The following FRAS1 variants were observed in gnomAD, a reference collection of about 807,000 sequenced individuals.
FRAS1 encodes the protein extracellular matrix organizing protein FRAS1.
A neutral mutation model predicts 435.2 loss-of-function variants in FRAS1; 290 were observed. The ratio of observed to expected loss-of-function variants is 0.67; its 90% confidence interval spans 0.61 to 0.73. The LOEUF (loss-of-function observed/expected upper bound fraction) is 0.73. Ranked by LOEUF, FRAS1 falls within the 30% of genes least tolerant of loss-of-function variation. The pLI, the probability that FRAS1 is intolerant of heterozygous loss-of-function variation, is 0.00. For missense variants in FRAS1, 4,860 were observed against 5,001.5 expected, an observed-to-expected ratio of 0.97 and a Z score of 0.85; for synonymous variants, 1,800 against 1,851.0, an observed-to-expected ratio of 0.97 and a Z score of 0.71.
In FRAS1 at chr4:78,369,877, G is replaced by A. The variant is rs755877479; in HGVS notation, c.2762G>A (p.Ser921Asn). The A allele has an allele frequency of 1.2e-6, 2 of 1,613,584 alleles. No homozygotes were observed. The highest frequency in any genetic ancestry group is 3.3e-5 in the Admixed American group (2 of 59,956). ...THCGSCDSQA[S>N]CTSCRDPNKV... is the part of the protein sequence containing the mutation. ...TGTGGAAGCTGTGATTCACAGGCCAGCTGTACCTCCTGCCGAGATCCAAAC... is the reference window on the plus strand; with the variant it reads ...TGTGGAAGCTGTGATTCACAGGCCAACTGTACCTCCTGCCGAGATCCAAAC... The change falls in exon 23 of 74, where the codon AGC becomes AAC. Residue 921 changes from serine to asparagine, a missense_variant. Transcript: ENST00000512123.
intron 2 of FRAS1, among the ~76,000 whole-genome samples, chr4:78,232,697 G>A (rs1435197817): frequency 6.6e-6 from 1 of 152,168 alleles, no homozygotes; most frequent in African/African-American, 2.4e-5. Context: ...ATTTTGTAGT[G>A]ACATCATTTA....
rs771765912 is a variant in FRAS1, at chr4:78,363,571, C to T, written c.2481C>T (p.Cys827=). ...ATCTCCACAACACTGGGAGCATCTG[C>T]CTCAGGTGCCAGAATGCCCACTACC... ...AADLHNTGSI[C]LRCQNAHYLL... is the part of the protein sequence containing the mutation. Residue 827 remains cysteine (C), a synonymous_variant, in exon 21 of 74, where the codon TGC becomes TGT. Transcript: ENST00000512123. 1.2e-6 allele frequency: 2 copies of T among 1,612,940 alleles called. No homozygotes were observed. Among genetic ancestry groups the T allele is most frequent in the Admixed American group, 1.7e-5 (1 of 59,962 alleles).
chr4:78,432,310 A>G (rs1405606154), intron 37 of FRAS1, 47 bp from the exon 38 acceptor site: 2 of 1,532,080 alleles, frequency 1.3e-6, no homozygotes, highest in South Asian at 1.3e-5. Context: ...AATGAAAAGC[A>G]TTATTCCCAG....
At chr4:78,260,878 T>C (rs1726060011) in intron 6 of FRAS1, among the ~76,000 whole-genome samples, 1 of 152,202 alleles carries the variant, frequency 6.6e-6, no homozygotes, top group Non-Finnish European at 1.5e-5. Flanking sequence ...TTTCAGAATA[T>C]TTCTAGGTGA....
chr4:78,335,773 T>C (rs753456446), intron 19 of FRAS1, among the ~76,000 whole-genome samples: 5 of 152,190 alleles, frequency 3.3e-5, no homozygotes, highest in Non-Finnish European at 4.4e-5. Context: ...GTCCAGTATG[T>C]TTTTTAAGAT....
intron 34 of FRAS1, among the ~76,000 whole-genome samples, chr4:78,423,400 C>A (rs186222325): frequency 6.6e-6 from 1 of 151,890 alleles, no homozygotes; most frequent in Non-Finnish European, 1.5e-5. Flanking sequence ...CTCCTGACCT[C>A]GTGATCCACC....
intron 2 of FRAS1, among the ~76,000 whole-genome samples, chr4:78,092,437 T>A (rs1427633686): frequency 6.6e-6 from 1 of 152,144 alleles, no homozygotes; most frequent in African/African-American, 2.4e-5. Context: ...AGTCACATCT[T>A]ATGTGGATGG....
Position 78,450,159 on chromosome 4 carries a change from G to C in FRAS1, c.6283G>C (p.Ala2095Pro). 4 of 1,612,822 alleles carry C rather than the reference G, an allele frequency of 2.5e-6. No homozygotes were observed. The highest frequency in any genetic ancestry group is 3.4e-6 in the Non-Finnish European group (4 of 1,178,964). Residue 2095 changes from alanine (A) to proline (P), a missense_variant, in exon 45 of 74, where the codon GCA becomes CCA. Physicochemically the swap from Ala to Pro is conservative, Grantham distance 27. Transcript: ENST00000512123. ...TTCCGTTCTCTTCCAAGGGTCTGTAGCACGCATCACAGAACAGCACTTGAA... is the reference window on the plus strand; with the variant it reads ...TTCCGTTCTCTTCCAAGGGTCTGTACCACGCATCACAGAACAGCACTTGAA... Reference protein sequence around the residue: ...QGLQLSAGSVARITEQHLKVT... With the variant: ...QGLQLSAGSVPRITEQHLKVT...
rs1054790303 is a variant in FRAS1 at position 78,460,061 on chromosome 4, A to T, written c.6764-3960A>T. On this transcript the variant is annotated intron_variant, in intron 47 of 73. Transcript: ENST00000512123. ...AACCCATCACAAGAGGCTTTTCAAA[A>T]ATCCTGAAGCAAGAAGGCTGGGAGT... is the stretch of plus-strand genomic sequence containing the variant. Among the ~76,000 whole-genome samples the T allele has an allele frequency of 3.0e-4, 46 of 152,140 alleles. 1 individual carries two copies. The highest frequency in any genetic ancestry group is 2.4e-3 in the Admixed American group (37 of 15,268).
intron 9 of FRAS1, among the ~76,000 whole-genome samples, chr4:78,272,628 G>A (rs1726767670): frequency 6.6e-6 from 1 of 152,078 alleles, no homozygotes; most frequent in Non-Finnish European, 1.5e-5. Flanking sequence ...TTGTAGATAT[G>A]CGGCATTATT....
At chr4:78,448,029 G>GCTTTT in intron 43 of FRAS1, 24 bp from the exon 44 acceptor site, 1 of 1,558,234 alleles carries the variant, frequency 6.4e-7, no homozygotes. Flanking sequence ...CCATTGTTTT[G>GCTTTT]CTTTTCTTTA....
intron 6 of FRAS1, 54 bp downstream of exon 6, chr4:78,255,429 G>A: frequency 6.6e-7 from 1 of 1,507,892 alleles, no homozygotes; most frequent in Non-Finnish European, 8.9e-7. Context: ...AGAACTTGGA[G>A]TCTCTTCTGA....
intron 73 of FRAS1, 101 bp from the exon 74 acceptor site, chr4:78,540,430 C>T: frequency 1.6e-6 from 1 of 643,764 alleles, no homozygotes; most frequent in Non-Finnish European, 2.5e-6. Flanking sequence ...TTCTGGAAAT[C>T]AGTTATCTAT....
intron 2 of FRAS1, among the ~76,000 whole-genome samples, chr4:78,112,730 A>C (rs1742819022): frequency 1.3e-5 from 2 of 152,058 alleles, no homozygotes; most frequent in South Asian, 4.1e-4. Flanking sequence ...CTTTTAATAC[A>C]TTTATTATAT....
chr4:78,385,483 C>T (rs967425670), intron 28 of FRAS1, among the ~76,000 whole-genome samples: 5 of 152,156 alleles, frequency 3.3e-5, no homozygotes, highest in Non-Finnish European at 7.4e-5. Context: ...TTCACCTCTT[C>T]TTGATGGTAT....
At chr4:78,361,031 G>A (rs1460025543) in intron 20 of FRAS1, among the ~76,000 whole-genome samples, 1 of 152,192 alleles carries the variant, frequency 6.6e-6, no homozygotes, top group Non-Finnish European at 1.5e-5. Context: ...GAAAGAAGTT[G>A]CTTTAAAGAG....
intron 2 of FRAS1, among the ~76,000 whole-genome samples, chr4:78,100,409 T>A (rs973821910): frequency 6.6e-6 from 1 of 152,216 alleles, no homozygotes; most frequent in Non-Finnish European, 1.5e-5. Context: ...TGCTCCACTA[T>A]TTTTCCACTT....
chr4:78,095,871 AC>A (rs1305201872), intron 2 of FRAS1, among the ~76,000 whole-genome samples: 1 of 151,992 alleles, frequency 6.6e-6, no homozygotes, highest in Non-Finnish European at 1.5e-5. Flanking sequence ...TTATCATTCC[AC>A]CCCGGCCCCT....
At chr4:78,080,506 A>T (rs1740846883) in intron 2 of FRAS1, among the ~76,000 whole-genome samples, 1 of 152,186 alleles carries the variant, frequency 6.6e-6, no homozygotes, top group Non-Finnish European at 1.5e-5. Context: ...TGTAAGTGGA[A>T]TAGCTTTTAT....
Sources: gnomAD v4.1 joint callset for allele counts (sites outside exome capture counted in the v4.1 genomes callset) on GRCh38, gnomAD v4.1.1 for gene constraint, MANE v1.5 for transcripts, NCBI Gene and HGNC (gene_info 2026-07-23, HGNC 2026-07-21) for gene names.